Variants in PAPPA observed in about 807,000 individuals in gnomAD.
PAPPA encodes the protein pappalysin 1, also known as pappalysin-1.
PAPPA carries 60 observed loss-of-function variants against 164.0 expected under a neutral mutation model. The ratio of observed to expected loss-of-function variants is 0.37; its 90% CI spans 0.30 to 0.45. The LOEUF is 0.45. Among genes scored for constraint, PAPPA ranks in the 20% least tolerant of loss-of-function variants. The pLI is 1.00. For synonymous variants in PAPPA, 875 were observed against 814.1 expected (o/e 1.07, Z -1.27); for missense variants, 1,782 against 2,087.3 (o/e 0.85, Z 2.85).
chr9:116,352,885 C>T lies in PAPPA; in HGVS notation c.4144C>T (p.His1382Tyr). The T allele has an allele frequency of 2.5e-6, 4 of 1,614,038 alleles. No homozygotes were observed. Among genetic ancestry groups the T allele is most frequent in the Non-Finnish European group, 3.4e-6 (4 of 1,179,960 alleles). Residue 1382 changes from histidine to tyrosine, a missense_variant, in exon 16 of 22, where the codon CAT becomes TAT. Coordinates refer to ENST00000328252, the MANE Select transcript of PAPPA (RefSeq NM_002581.5). ...CAAATACAAATGCAAGCCTGGATAC[C>T]ATGTGCCTGGATCCTCTCGGAAGTC... ...FCKYKCKPGY[H>Y]VPGSSRKSKK...
chr9:116,193,883 G>A (rs1844072862), intron 2 of PAPPA, among the ~76,000 whole-genome samples: 1 of 152,206 alleles, frequency 6.6e-6, no homozygotes. Context: ...CTCTGAGAAA[G>A]GGCAGGATCA....
intron 4 of PAPPA, among the ~76,000 whole-genome samples, chr9:116,218,782 T>C (rs1844406946): frequency 6.6e-6 from 1 of 152,218 alleles, no homozygotes; most frequent in Non-Finnish European, 1.5e-5. Context: ...AAGTCAGGAC[T>C]GCCTGGGTTC....
chr9:116,304,672 T>A (rs1845621304), intron 10 of PAPPA, among the ~76,000 whole-genome samples: 1 of 152,128 alleles, frequency 6.6e-6, no homozygotes, highest in Non-Finnish European at 1.5e-5. Context: ...ATTATTCCAA[T>A]CTTGTAAGGG....
At position 116,370,996 on chromosome 9, in the gene PAPPA, A is replaced by T. The variant is rs368737623; in HGVS notation, c.4605+3242A>T. On this transcript the variant is annotated intron_variant, in intron 19 of 21. Transcript: ENST00000328252. ...CTGGAGCAAATCCTGTCACTTCTCT[A>T]GGCCACAGTTTACCCAGTTGTGAAG... 2.8e-4 allele frequency among the ~76,000 whole-genome samples: 43 copies of T among 152,292 alleles called. 4 individuals carry two copies. Among genetic ancestry groups the T allele is most frequent in the East Asian group, 1.9e-3 (10 of 5,178 alleles).
intron 17 of PAPPA, among the ~76,000 whole-genome samples, chr9:116,361,538 G>A (rs1047160582): frequency 1.5e-4 from 23 of 152,122 alleles, no homozygotes; most frequent in African/African-American, 4.6e-4. Flanking sequence ...CATCTTCCAG[G>A]AATATCTTCT....
chr9:116,285,171 C>CTCTT, intron 9 of PAPPA, among the ~76,000 whole-genome samples: 1 of 89,484 alleles, frequency 1.1e-5, no homozygotes, highest in Non-Finnish European at 2.0e-5. Flanking sequence ...TTCTTTCTTT[C>CTCTT]TTTTTTTTTT....
chr9:116,307,573 T>A (rs1328128999), intron 10 of PAPPA, among the ~76,000 whole-genome samples: 1 of 152,078 alleles, frequency 6.6e-6, no homozygotes, highest in African/African-American at 2.4e-5. Flanking sequence ...CATTCCAGCC[T>A]TGGTGATGAG....
intron 1 of PAPPA, among the ~76,000 whole-genome samples, chr9:116,161,068 A>G (rs560150189): frequency 9.9e-4 from 151 of 152,326 alleles, no homozygotes; most frequent in Non-Finnish European, 1.9e-3. Context: ...GTCAGACCAC[A>G]GTGCACGGGT....
intron 7 of PAPPA, among the ~76,000 whole-genome samples, chr9:116,254,274 T>C (rs894274439): frequency 1.3e-5 from 2 of 152,202 alleles, no homozygotes; most frequent in Admixed American, 1.3e-4. Flanking sequence ...GGCTATTTCG[T>C]TGGATAAGTG....
chr9:116,225,352 C>G (rs772899431), intron 5 of PAPPA, among the ~76,000 whole-genome samples: 1 of 152,066 alleles, frequency 6.6e-6, no homozygotes, highest in South Asian at 2.1e-4. Context: ...TATTGCTACT[C>G]CAAGAGTAAC....
chr9:116,396,060 A>T (rs1846958498), intron 21 of PAPPA, among the ~76,000 whole-genome samples: 1 of 152,186 alleles, frequency 6.6e-6, no homozygotes, highest in Admixed American at 6.5e-5. Context: ...GGGTCTTATT[A>T]TATCAGCTCT....
In PAPPA at chr9:116,398,477, C is replaced by CT. The variant is rs1229456794; in HGVS notation, c.*1863dup. On this transcript the variant is annotated 3_prime_UTR_variant, in exon 22 of 22. Coordinates refer to ENST00000328252, the MANE Select transcript of PAPPA (RefSeq NM_002581.5). ...CAGGTGTTGTTAATCTATCATAGCA[C>CT]TTAAAAAAAAAAAAAAAAAGAGACC... 6.9e-6 allele frequency: 5 copies of CT among 727,958 alleles called. No homozygotes were observed. The highest frequency in any genetic ancestry group is 5.3e-5 in the Admixed American group (1 of 18,754). 45.1% of individuals were successfully genotyped at this position (727,958 alleles called of 1,614,324 possible).
chr9:116,314,120 G>A (rs572588067), intron 10 of PAPPA, among the ~76,000 whole-genome samples: 5 of 126,654 alleles, frequency 3.9e-5, no homozygotes, highest in Non-Finnish European at 6.3e-5. Flanking sequence ...TCGCCAGGCT[G>A]GAGTATAGTG....
Position 116,220,117 on chromosome 9 carries a change from A to G in PAPPA, c.2099A>G (p.His700Arg). ...TLEWFPPIDG[H>R]FFERELGSAC... is the part of the protein sequence containing the mutation. Reference sequence around the variant, plus strand: ...GAGTGGTTCCCACCTATAGATGGCCATTTCTTTGAAAGGTGAGTGTGCCCT... The same window carrying G: ...GAGTGGTTCCCACCTATAGATGGCCGTTTCTTTGAAAGGTGAGTGTGCCCT... Residue 700 changes from histidine (H) to arginine (R), a missense_variant, in exon 5 of 22, where the codon CAT (histidine) becomes CGT (arginine). His to Arg is a conservative substitution (Grantham distance 29, BLOSUM62 0). This residue lies in a region of PAPPA where 1,324 missense variants were observed against 1,656.9 expected (regional missense o/e 0.80). Coordinates refer to ENST00000328252, the MANE Select transcript of PAPPA (RefSeq NM_002581.5). 2 of 1,612,962 alleles carry G rather than the reference A, an allele frequency of 1.2e-6. No individual in the cohort carries two copies. Among genetic ancestry groups the G allele is most frequent in the Non-Finnish European group, 1.7e-6 (2 of 1,179,572 alleles).
chr9:116,158,131 C>A (rs1843625139), intron 1 of PAPPA, among the ~76,000 whole-genome samples: 1 of 152,140 alleles, frequency 6.6e-6, no homozygotes, highest in South Asian at 2.1e-4. Context: ...TCCCATCCAG[C>A]ACCTCTGCTT....
At chr9:116,382,134 G>A (rs1405418144) in intron 20 of PAPPA, among the ~76,000 whole-genome samples, 2 of 152,066 alleles carry the variant, frequency 1.3e-5, no homozygotes, top group Admixed American at 1.3e-4. Context: ...GCACACAAGA[G>A]TATGTCTCTC....
intron 7 of PAPPA, among the ~76,000 whole-genome samples, chr9:116,255,112 T>A (rs1469690723): frequency 6.6e-6 from 1 of 151,984 alleles, no homozygotes; most frequent in Non-Finnish European, 1.5e-5. Context: ...CCTAAAATAC[T>A]TTAGAACCAT....
intron 1 of PAPPA, among the ~76,000 whole-genome samples, chr9:116,186,770 C>T (rs1230726629): frequency 6.6e-6 from 1 of 152,170 alleles, no homozygotes; most frequent in Non-Finnish European, 1.5e-5. Context: ...CCCCATCCAA[C>T]AGCTTTGGAA....
At position 116,235,586 on chromosome 9, in the gene PAPPA, T is replaced by G. The variant is rs1460003237; in HGVS notation, c.2681T>G (p.Leu894Arg). Residue 894 changes from leucine to arginine, a missense_variant, in exon 7 of 22, where the codon CTC becomes CGC. Leu to Arg is a moderately radical substitution (Grantham distance 102). Around this residue, in one of 2 missense-constraint regions of PAPPA, gnomAD observed 1,324 missense variants for 1,656.9 expected, o/e 0.80. Coordinates refer to ENST00000328252, the MANE Select transcript of PAPPA (RefSeq NM_002581.5). ...TATAAGGTGGTCCGGGACCCTCCTC[T>G]CCAGATGGATGTGGCCTCCATCCTA... The part of the protein sequence containing the change: ...LKYKVVRDPP[L>R]QMDVASILHL... 6.2e-7 allele frequency: 1 copy of G among 1,613,464 alleles called. No homozygotes were observed.
Sources: allele counts gnomAD v4.1 joint callset (sites outside exome capture counted in the v4.1 genomes callset), GRCh38; gene constraint gnomAD v4.1.1; regional missense constraint gnomAD v4.1.1; transcripts MANE v1.5; gene names NCBI Gene and HGNC (gene_info 2026-07-23, HGNC 2026-07-21).